The following TENM1 variants were observed in gnomAD, a reference collection of about 807,000 sequenced individuals.
TENM1 encodes the protein teneurin-1.
In TENM1, 35 loss-of-function variants were observed where a neutral mutation model predicts 174.8. The observed-to-expected ratio is 0.20, with a 90% CI of 0.15 to 0.27. The LOEUF is 0.27. Ranked by LOEUF, TENM1 falls within the 10% of genes least tolerant of loss-of-function variation. TENM1 has a pLI of 1.00. For synonymous variants in TENM1, 781 were observed against 798.7 expected (o/e 0.98, Z 0.37); for missense variants, 1,633 against 2,130.1 (o/e 0.77, Z 4.59).
the TENM1 span, among the ~76,000 whole-genome samples, chrX:125,005,650 C>T: frequency 9.1e-6 from 1 of 109,909 alleles, no homozygotes; most frequent in African/African-American, 3.3e-5. Flanking sequence ...AATGCAGAGG[C>T]GGGTGATTTC....
At chrX:124,860,183 G>A (rs1279222639) in intron 3 of TENM1, among the ~76,000 whole-genome samples, 1 of 111,759 alleles carries the variant, frequency 8.9e-6, no homozygotes, top group African/African-American at 3.3e-5. Context: ...TCACACATTA[G>A]GTAAAGCTAT....
At chrX:124,738,487 A>G (rs2053729216) in intron 3 of TENM1, among the ~76,000 whole-genome samples, 1 of 112,220 alleles carries the variant, frequency 8.9e-6, no homozygotes, top group South Asian at 3.7e-4. Flanking sequence ...CTTTAAATAA[A>G]CTCACTATAT....
At chrX:124,561,309 A>G (rs1378490474) in intron 14 of TENM1, among the ~76,000 whole-genome samples, 4 of 110,986 alleles carry the variant, frequency 3.6e-5, no homozygotes, top group African/African-American at 6.6e-5. Flanking sequence ...TAAATTGGAG[A>G]CTTGGCTCTG....
chrX:124,631,178 A>G (rs1029127003), intron 11 of TENM1, among the ~76,000 whole-genome samples: 1 of 112,250 alleles, frequency 8.9e-6, no homozygotes, highest in African/African-American at 3.2e-5. Context: ...TACTGTATAT[A>G]AAATAACCAT....
At chrX:124,724,861 C>T (rs1192140632) in intron 4 of TENM1, among the ~76,000 whole-genome samples, 1 of 111,349 alleles carries the variant, frequency 9.0e-6, no homozygotes. Flanking sequence ...GGGCTTTTGG[C>T]AGGGTGATTA....
chrX:124,567,807 C>T (rs2048973515), intron 11 of TENM1, among the ~76,000 whole-genome samples: 1 of 111,692 alleles, frequency 9.0e-6, no homozygotes, highest in South Asian at 3.8e-4. Context: ...TATTATCATT[C>T]TGTTCCCCTT....
the TENM1 span, among the ~76,000 whole-genome samples, chrX:125,012,174 G>A: frequency 9.0e-6 from 1 of 111,263 alleles, no homozygotes; most frequent in African/African-American, 3.3e-5. Flanking sequence ...GCACACACCA[G>A]GGCCTGTCGT....
chrX:124,748,036 T>C (rs1331138502), intron 3 of TENM1, among the ~76,000 whole-genome samples: 1 of 111,641 alleles, frequency 9.0e-6, no homozygotes, highest in Non-Finnish European at 1.9e-5. Context: ...GAGTGAGCTG[T>C]CTCCCCCTCA....
At chrX:124,988,281 A>G in the TENM1 span, among the ~76,000 whole-genome samples, 1 of 112,120 alleles carries the variant, frequency 8.9e-6, no homozygotes, top group East Asian at 2.8e-4. Context: ...AAGAACCTTT[A>G]AACATTTAGG....
intron 28 of TENM1, among the ~76,000 whole-genome samples, chrX:124,389,004 C>T (rs1426209032): frequency 8.9e-6 from 1 of 112,284 alleles, no homozygotes; most frequent in African/African-American, 3.2e-5. Flanking sequence ...GCCCACAAGT[C>T]TTCAAAATAT....
intron 3 of TENM1, among the ~76,000 whole-genome samples, chrX:124,742,453 C>A (rs1433440170): frequency 1.8e-5 from 2 of 111,451 alleles, no homozygotes; most frequent in African/African-American, 6.5e-5. Context: ...TATTTATGGT[C>A]TTTACTTATT....
the TENM1 span, among the ~76,000 whole-genome samples, chrX:125,006,020 C>T: frequency 4.5e-5 from 5 of 111,276 alleles, no homozygotes; most frequent in South Asian, 7.7e-4. Flanking sequence ...ACAGGAGAAC[C>T]GCCCACTCCC....
chrX:124,888,355 A>T (rs1156573717), intron 3 of TENM1, among the ~76,000 whole-genome samples: 1 of 111,489 alleles, frequency 9.0e-6, no homozygotes, highest in Non-Finnish European at 1.9e-5. Context: ...CAAGGAAATC[A>T]ACAGGACTTC....
intron 22 of TENM1, among the ~76,000 whole-genome samples, chrX:124,470,189 A>G (rs570593704): frequency 4.5e-4 from 51 of 112,235 alleles, no homozygotes; most frequent in African/African-American, 1.6e-3. Flanking sequence ...TGTAATAATA[A>G]AAGATTAAAA....
At chrX:124,851,632 T>C (rs957380851) in intron 3 of TENM1, among the ~76,000 whole-genome samples, 17 of 110,712 alleles carry the variant, frequency 1.5e-4, no homozygotes, top group Non-Finnish European at 2.1e-4. Context: ...TCTTGACTTA[T>C]CCAAAAACCA....
the TENM1 span, among the ~76,000 whole-genome samples, chrX:125,114,595 G>T: frequency 9.3e-6 from 1 of 107,290 alleles, no homozygotes. Context: ...TACCATTAGA[G>T]AATACTATAA....
chrX:124,871,493 T>C lies in TENM1; in HGVS notation c.535+22803A>G, dbSNP rs1267780918. Among the ~76,000 whole-genome samples the C allele has an allele frequency of 1.9e-4, 21 of 111,850 alleles. No individual in the cohort carries two copies. The Admixed American group carries it at 2.0e-3, about 11-fold the overall frequency. On this transcript the variant is annotated intron_variant, in intron 3 of 31. Coordinates refer to ENST00000422452, the Ensembl canonical transcript of TENM1. ...AGCTTCCGTCAACTGAAATGGGAAG[T>C]CTGCAAGTTTTGGGTAGGAGGGAAA... is the stretch of plus-strand genomic sequence containing the variant.
intron 11 of TENM1, among the ~76,000 whole-genome samples, chrX:124,635,513 T>C: frequency 8.9e-6 from 1 of 112,419 alleles, no homozygotes; most frequent in Non-Finnish European, 1.9e-5. Flanking sequence ...ACTTCTAAGA[T>C]ACAGCATAAT....
intron 3 of TENM1, among the ~76,000 whole-genome samples, chrX:124,893,422 T>G (rs1336146203): frequency 8.9e-6 from 1 of 112,816 alleles, no homozygotes; most frequent in African/African-American, 3.2e-5. Flanking sequence ...GTCATAAGGA[T>G]GAAATGGGAT....
Sources: allele counts gnomAD v4.1 joint callset (sites outside exome capture counted in the v4.1 genomes callset), GRCh38; gene constraint gnomAD v4.1.1; transcripts MANE v1.5; gene names NCBI Gene and HGNC (gene_info 2026-07-23, HGNC 2026-07-21).